ATXN7L1: variants seen among roughly 807,000 people sequenced by gnomAD.
ATXN7L1 encodes ataxin 7 like 1, also known as ataxin-7-like protein 1.
Under a neutral mutation model 70.8 loss-of-function variants are expected in ATXN7L1, and 15 were observed. The observed-to-expected ratio is 0.21, with a 90% CI of 0.14 to 0.33. The LOEUF (loss-of-function observed/expected upper bound fraction) is 0.33. Ranked by LOEUF, ATXN7L1 falls within the 10% of genes least tolerant of loss-of-function variation. The pLI is 1.00. For missense variants in ATXN7L1, 975 were observed against 1,097.1 expected (o/e 0.89, Z 1.57); for synonymous variants, 440 against 445.1 (o/e 0.99, Z 0.14).
intron 3 of ATXN7L1, among the ~76,000 whole-genome samples, chr7:105,667,325 A>C (rs577306797): frequency 6.6e-6 from 1 of 152,198 alleles, no homozygotes; most frequent in Non-Finnish European, 1.5e-5. Flanking sequence ...GGAAGGCAGG[A>C]AACTAGGTGA....
intron 3 of ATXN7L1, among the ~76,000 whole-genome samples, chr7:105,787,763 A>T (rs540770839): frequency 6.6e-6 from 1 of 152,328 alleles, no homozygotes; most frequent in African/African-American, 2.4e-5. Flanking sequence ...TCGAAACCTT[A>T]ATGGTAAGGA....
intron 3 of ATXN7L1, among the ~76,000 whole-genome samples, chr7:105,687,692 T>G (rs1251288337): frequency 1.3e-5 from 2 of 152,146 alleles, no homozygotes; most frequent in Non-Finnish European, 2.9e-5. Context: ...CTAAAAACCA[T>G]GCAAGTTCAC....
intron 2 of ATXN7L1, among the ~76,000 whole-genome samples, chr7:105,869,967 C>T (rs1818007139): frequency 6.6e-6 from 1 of 152,154 alleles, no homozygotes; most frequent in African/African-American, 2.4e-5. Context: ...TCAATGATCA[C>T]TTAACTGCAC....
chr7:105,818,671 C>A (rs1305808434), intron 2 of ATXN7L1, among the ~76,000 whole-genome samples: 1 of 152,138 alleles, frequency 6.6e-6, no homozygotes, highest in Non-Finnish European at 1.5e-5. Flanking sequence ...AAAGTTTGGG[C>A]ACTACTGGGT....
Position 105,634,919 on chromosome 7 carries a change from G to GA in ATXN7L1, c.1202+3433dup, listed in dbSNP as rs113359621. On this transcript the variant is annotated intron_variant, in intron 7 of 11. Transcript: ENST00000419735. ...ACATAGTGAGACTCTGTCTCTACAG[G>GA]AAAAAAAAAAAAAGAGAATTGGCTT... 4.5e-3 allele frequency among the ~76,000 whole-genome samples: 626 copies of GA among 140,518 alleles called. 4 individuals carry two copies. The highest frequency in any genetic ancestry group is 8.6e-3 in the Admixed American group (120 of 13,986). The allele number at this position is 140,518 out of a possible 152,430, so 92.2% of individuals were successfully genotyped here.
intron 3 of ATXN7L1, among the ~76,000 whole-genome samples, chr7:105,667,991 T>A (rs1186731574): frequency 6.6e-6 from 1 of 152,166 alleles, no homozygotes; most frequent in African/African-American, 2.4e-5. Context: ...AAGCTGGTGG[T>A]GGGTGGGTGT....
At chr7:105,784,621 C>G (rs1804016957) in intron 3 of ATXN7L1, among the ~76,000 whole-genome samples, 1 of 152,056 alleles carries the variant, frequency 6.6e-6, no homozygotes, top group African/African-American at 2.4e-5. Context: ...CTGCATCCAG[C>G]TGGGGGCGAT....
chr7:105,760,387 C>T (rs898572581), intron 3 of ATXN7L1: 3 of 962,838 alleles, frequency 3.1e-6, no homozygotes, highest in South Asian at 4.8e-5. Flanking sequence ...AGAGGATCTG[C>T]AATTTATTTA....
At chr7:105,639,684 G>A in intron 5 of ATXN7L1, 115 bp from the exon 6 acceptor site, 1 of 747,618 alleles carries the variant, frequency 1.3e-6, no homozygotes, top group Non-Finnish European at 2.2e-6. Flanking sequence ...GACATTGTCA[G>A]GCAATCTGTT....
At chr7:105,757,533 C>CTT (rs555519646) in intron 3 of ATXN7L1, among the ~76,000 whole-genome samples, 10 of 92,430 alleles carry the variant, frequency 1.1e-4, no homozygotes, top group East Asian at 9.2e-4. Flanking sequence ...CATTCAAAAG[C>CTT]TTTTTTTTTT....
chr7:105,814,355 A>G (rs1050300862), intron 2 of ATXN7L1, among the ~76,000 whole-genome samples: 1 of 152,090 alleles, frequency 6.6e-6, no homozygotes, highest in Non-Finnish European at 1.5e-5. Context: ...GGCAATGATG[A>G]TGGTGATGAT....
chr7:105,855,326 A>G (rs1249877741), intron 2 of ATXN7L1, among the ~76,000 whole-genome samples: 1 of 152,256 alleles, frequency 6.6e-6, no homozygotes, highest in Non-Finnish European at 1.5e-5. Flanking sequence ...AATACATTAA[A>G]AAATGAGTGT....
At chr7:105,756,449 C>T (rs760760583) in intron 3 of ATXN7L1, among the ~76,000 whole-genome samples, 25 of 152,126 alleles carry the variant, frequency 1.6e-4, no homozygotes, top group Non-Finnish European at 2.9e-4. Flanking sequence ...TCTTTAATGC[C>T]TTTCAATATA....
At chr7:105,854,504 A>T (rs1447517484) in intron 2 of ATXN7L1, among the ~76,000 whole-genome samples, 62 of 140,490 alleles carry the variant, frequency 4.4e-4, no homozygotes, top group Non-Finnish European at 8.8e-4. Flanking sequence ...TTGAAAAACC[A>T]AAACAAACCC....
chr7:105,845,301 CA>C (rs1235499505), intron 2 of ATXN7L1, among the ~76,000 whole-genome samples: 2 of 145,120 alleles, frequency 1.4e-5, no homozygotes, highest in African/African-American at 5.1e-5. Context: ...ATTTCATTTA[CA>C]ATAATATCAA....
intron 2 of ATXN7L1, among the ~76,000 whole-genome samples, 180 bp downstream of exon 2, chr7:105,875,632 C>CCCT (rs1554490231): frequency 8.1e-6 from 1 of 123,214 alleles, no homozygotes; most frequent in Non-Finnish European, 1.8e-5. Context: ...CCTTTACCCC[C>CCCT]CCCCCAGTTG....
intron 3 of ATXN7L1, among the ~76,000 whole-genome samples, chr7:105,784,720 C>G (rs1793134203): frequency 6.6e-6 from 1 of 152,190 alleles, no homozygotes; most frequent in Admixed American, 6.5e-5. Flanking sequence ...CTGAGGCAGG[C>G]AGAGTACCCA....
At chr7:105,665,660 G>C (rs1802499191) in intron 3 of ATXN7L1, among the ~76,000 whole-genome samples, 1 of 152,202 alleles carries the variant, frequency 6.6e-6, no homozygotes, top group African/African-American at 2.4e-5. Flanking sequence ...CAGCTACACA[G>C]AGGCCACAGG....
chr7:105,687,586 C>T (rs1790107098), intron 3 of ATXN7L1, among the ~76,000 whole-genome samples: 1 of 152,214 alleles, frequency 6.6e-6, no homozygotes, highest in African/African-American at 2.4e-5. Flanking sequence ...CTTGGACCTC[C>T]AGCTTCCAGA....
Sources: gnomAD v4.1 joint callset for allele counts (sites outside exome capture counted in the v4.1 genomes callset) on GRCh38, gnomAD v4.1.1 for gene constraint, MANE v1.5 for transcripts, NCBI Gene and HGNC (gene_info 2026-07-23, HGNC 2026-07-21) for gene names.